The following B3GAT2 variants were observed in gnomAD, a reference collection of about 807,000 sequenced individuals.
B3GAT2 encodes the protein galactosylgalactosylxylosylprotein 3-beta-glucuronosyltransferase 2.
In B3GAT2, 26 loss-of-function variants were observed where a neutral mutation model predicts 27.8. That is an observed-to-expected ratio of 0.93 (90% CI 0.68 to 1.30). The LOEUF is 1.30. B3GAT2 is among the 50% of genes most tolerant of loss of function. The probability of loss-of-function intolerance (pLI) is 0.00; values close to 1 mark genes in which losing one functional copy is unlikely to be tolerated. For synonymous variants in B3GAT2, 218 were observed against 195.1 expected (o/e 1.12, Z -0.98); for missense variants, 458 against 459.0 (o/e 1.00, Z 0.02).
Position 70,861,334 on chromosome 6 carries a change from T to A in B3GAT2, c.*329A>T, listed in dbSNP as rs573810725. ...TACCAACCTGTTCAAGTCTACCAAT[T>A]ATAAGGGCAAATTGGAGAAAAAGAA... On this transcript the variant is annotated 3_prime_UTR_variant, in exon 4 of 4. Transcript: ENST00000230053. 13 of 232,736 alleles carry A rather than the reference T, an allele frequency of 5.6e-5. No individual in the cohort carries two copies. In the East Asian group the frequency reaches 1.2e-3, roughly 21 times the overall value. The allele number at this position is 232,736 out of a possible 1,614,324, so 14.4% of individuals were successfully genotyped here. A position where few individuals can be genotyped will look rare whatever the true frequency, so the allele number is the denominator to read the frequency against.
At chr6:70,889,940 C>T (rs772946828) in intron 2 of B3GAT2, among the ~76,000 whole-genome samples, 4 of 152,012 alleles carry the variant, frequency 2.6e-5, no homozygotes, top group African/African-American at 9.7e-5. Flanking sequence ...TGCCACCACG[C>T]CCAGCTAATT....
rs988847690 is a variant in B3GAT2 at position 70,956,598 on chromosome 6, G to T, written c.-169C>A. The stretch of plus-strand genomic sequence containing the variant: ...TGGAGCCGCGGGGCTCACTACCTGG[G>T]CGTGGAGGAGCGGCAGGTTCGCGCA... On this transcript the variant is annotated 5_prime_UTR_variant, in exon 1 of 4. Transcript: ENST00000230053. The T allele has an allele frequency of 5.8e-5, 83 of 1,437,210 alleles. No individual in the cohort carries two copies. Among genetic ancestry groups the T allele is most frequent in the Non-Finnish European group, 7.1e-5 (78 of 1,102,402 alleles). 89.0% of individuals were successfully genotyped at this position (1,437,210 alleles called of 1,614,324 possible).
In B3GAT2 at chr6:70,860,237, C is replaced by T. The variant is rs780872001; in HGVS notation, c.*1426G>A. ...ATGGCTGGCATGAGTATCAGTAGTG[C>T]AACCCCTACTGCAGGTTTTGGCCAG... On this transcript the variant is annotated 3_prime_UTR_variant, in exon 4 of 4. Transcript: ENST00000230053. The T allele has an allele frequency of 1.1e-5, 17 of 1,613,392 alleles. 1 individual carries two copies. The South Asian group carries it at 1.2e-4, about 11-fold the overall frequency.
chr6:70,857,156 T>TACA lies in B3GAT2; in HGVS notation c.*4504_*4506dup. On this transcript the variant is annotated 3_prime_UTR_variant, in exon 4 of 4. Coordinates refer to ENST00000230053, the MANE Select transcript of B3GAT2 (RefSeq NM_080742.3). The stretch of plus-strand genomic sequence containing the variant: ...TGAGTGCTTTTGTTGTTGCAGTTTA[T>TACA]ACAACTATGAAGCCGAAATGAATGA... 1 of 954,252 alleles carries TACA rather than the reference T, an allele frequency of 1.0e-6. No individual in the cohort carries two copies. Among genetic ancestry groups the TACA allele is most frequent in the Non-Finnish European group, 1.4e-6 (1 of 690,626 alleles). The allele number at this position is 954,252 out of a possible 1,614,324, so 59.1% of individuals were successfully genotyped here.
At chr6:70,880,344 C>T (rs1184425712) in intron 2 of B3GAT2, among the ~76,000 whole-genome samples, 6 of 152,256 alleles carry the variant, frequency 3.9e-5, no homozygotes, top group African/African-American at 1.4e-4. Flanking sequence ...TAGGTAGATA[C>T]TATTACTACC....
chr6:70,865,819 G>A (rs1029260444), intron 2 of B3GAT2, among the ~76,000 whole-genome samples: 1 of 152,168 alleles, frequency 6.6e-6, no homozygotes, highest in African/African-American at 2.4e-5. Flanking sequence ...AAAGTTTCCA[G>A]ACATTGGAAA....
Position 70,860,636 on chromosome 6 carries a change from T to TA in B3GAT2, c.*1026dup. On this transcript the variant is annotated 3_prime_UTR_variant, in exon 4 of 4. Coordinates refer to ENST00000230053, the MANE Select transcript of B3GAT2 (RefSeq NM_080742.3). Reference sequence around the variant, plus strand: ...TTTCCTCTCAATAAAATTATAGCTCTAATGTTTGCATATAAGGGAAGTAGT... The same window carrying TA: ...TTTCCTCTCAATAAAATTATAGCTCTAAATGTTTGCATATAAGGGAAGTAGT... The TA allele has an allele frequency of 2.3e-6, 1 of 427,266 alleles. No homozygotes were observed. Among genetic ancestry groups the TA allele is most frequent in the Non-Finnish European group, 4.1e-6 (1 of 242,638 alleles). The allele number at this position is 427,266 out of a possible 1,614,324, so 26.5% of individuals were successfully genotyped here. A position where few individuals can be genotyped will look rare whatever the true frequency, so the allele number is the denominator to read the frequency against.
intron 2 of B3GAT2, among the ~76,000 whole-genome samples, chr6:70,867,384 AC>A (rs767770879): frequency 2.9e-4 from 44 of 152,064 alleles, no homozygotes; most frequent in Non-Finnish European, 5.1e-4. Context: ...TGAAATAAAA[AC>A]CTAGTCATTT....
intron 1 of B3GAT2, among the ~76,000 whole-genome samples, chr6:70,905,680 G>A (rs1582371317): frequency 1.3e-5 from 2 of 152,254 alleles, no homozygotes; most frequent in South Asian, 4.1e-4. Flanking sequence ...TAGCTGTATA[G>A]TCCACTTGGC....
At chr6:70,905,247 A>T (rs1371639147) in intron 1 of B3GAT2, among the ~76,000 whole-genome samples, 1 of 152,226 alleles carries the variant, frequency 6.6e-6, no homozygotes, top group African/African-American at 2.4e-5. Context: ...AGGAAACGCA[A>T]GAGTTACTGC....
intron 1 of B3GAT2, among the ~76,000 whole-genome samples, chr6:70,946,178 A>C (rs867777991): frequency 3.7e-4 from 57 of 152,102 alleles, no homozygotes; most frequent in Middle Eastern, 3.5e-3. Flanking sequence ...CGAGCAAAAT[A>C]ACCAGCTAAC....
At chr6:70,921,306 G>A (rs994083012) in intron 1 of B3GAT2, among the ~76,000 whole-genome samples, 1 of 151,944 alleles carries the variant, frequency 6.6e-6, no homozygotes. Context: ...CATTATTTTT[G>A]TCTGAGTTGA....
intron 2 of B3GAT2, among the ~76,000 whole-genome samples, chr6:70,893,893 CAG>C (rs1278218054): frequency 1.3e-5 from 2 of 152,154 alleles, no homozygotes; most frequent in African/African-American, 2.4e-5. Flanking sequence ...AAGGCACAGA[CAG>C]GGGACAAAAT....
intron 2 of B3GAT2, among the ~76,000 whole-genome samples, chr6:70,887,868 G>A (rs1413394686): frequency 6.6e-6 from 1 of 152,210 alleles, no homozygotes; most frequent in Non-Finnish European, 1.5e-5. Context: ...GGTAGAATGT[G>A]CTGGAGGAAG....
chr6:70,866,760 T>A (rs1408733397), intron 2 of B3GAT2, among the ~76,000 whole-genome samples: 1 of 152,186 alleles, frequency 6.6e-6, no homozygotes, highest in Admixed American at 6.5e-5. Flanking sequence ...CTGAAAAATT[T>A]ACAAACTTGA....
chr6:70,945,828 T>C (rs1400875154), intron 1 of B3GAT2, among the ~76,000 whole-genome samples: 1 of 151,230 alleles, frequency 6.6e-6, no homozygotes, highest in African/African-American at 2.4e-5. Context: ...GAGAGAAAGG[T>C]CGGGTTACCC....
At chr6:70,863,872 T>C (rs980928154) in intron 2 of B3GAT2, among the ~76,000 whole-genome samples, 3 of 152,136 alleles carry the variant, frequency 2.0e-5, no homozygotes, top group African/African-American at 7.2e-5. Flanking sequence ...CCAGGACACC[T>C]ACATGTGATA....
chr6:70,889,494 G>A (rs573673682), intron 2 of B3GAT2, among the ~76,000 whole-genome samples: 1 of 152,100 alleles, frequency 6.6e-6, no homozygotes, highest in Admixed American at 6.5e-5. Context: ...CCACCAGCTG[G>A]AAAGCTGGTG....
intron 2 of B3GAT2, among the ~76,000 whole-genome samples, chr6:70,863,262 C>G (rs1454837954): frequency 1.3e-5 from 2 of 152,178 alleles, no homozygotes; most frequent in East Asian, 3.9e-4. Context: ...CAAAGTAATA[C>G]TAAATGATAC....
Sources: gnomAD v4.1 joint callset for allele counts (sites outside exome capture counted in the v4.1 genomes callset) on GRCh38, gnomAD v4.1.1 for gene constraint, MANE v1.5 for transcripts, NCBI Gene and HGNC (gene_info 2026-07-23, HGNC 2026-07-21) for gene names.